The following ZNF277 variants were observed in gnomAD, a reference collection of about 807,000 sequenced individuals.
ZNF277 encodes nuclear receptor-interacting factor 4.
In ZNF277, 55 loss-of-function variants were observed where a neutral mutation model predicts 60.7. The observed-to-expected ratio is 0.91, with a 90% confidence interval of 0.73 to 1.13. The LOEUF (loss-of-function observed/expected upper bound fraction) is 1.13. Among genes scored for constraint, ZNF277 ranks in the 50% most tolerant of loss-of-function variants. The probability of loss-of-function intolerance (pLI) is 0.00; values close to 1 mark genes in which losing one functional copy is unlikely to be tolerated. For synonymous variants in ZNF277, 178 were observed against 179.3 expected (o/e 0.99, Z 0.06); for missense variants, 510 against 523.0 (o/e 0.98, Z 0.24).
chr7:112,209,548 C>T (rs978269680), intron 1 of ZNF277, among the ~76,000 whole-genome samples: 10 of 152,146 alleles, frequency 6.6e-5, no homozygotes, highest in Admixed American at 1.3e-4. Context: ...TTCTCACCCT[C>T]GGTGAGAAAT....
chr7:112,255,906 A>G (rs1432190835), intron 1 of ZNF277, among the ~76,000 whole-genome samples: 1 of 152,136 alleles, frequency 6.6e-6, no homozygotes, highest in African/African-American at 2.4e-5. Context: ...TCTTGGTTCA[A>G]ATAATTGACT....
chr7:112,272,475 G>A (rs1182051497), intron 1 of ZNF277, among the ~76,000 whole-genome samples: 5 of 152,090 alleles, frequency 3.3e-5, no homozygotes, highest in African/African-American at 1.2e-4. Flanking sequence ...TCTATTTTTA[G>A]TTGTTTTTGT....
chr7:112,298,638 T>C (rs1285024552), intron 4 of ZNF277, among the ~76,000 whole-genome samples: 1 of 152,200 alleles, frequency 6.6e-6, no homozygotes, highest in Non-Finnish European at 1.5e-5. Context: ...CATTTCAAGC[T>C]GTCAAAGCCT....
intron 5 of ZNF277, among the ~76,000 whole-genome samples, chr7:112,325,667 A>G (rs1293970159): frequency 3.9e-5 from 6 of 152,166 alleles, no homozygotes; most frequent in Non-Finnish European, 5.9e-5. Context: ...GCCTGAGATC[A>G]TGGGGACCTT....
At chr7:112,245,871 C>A (rs1375449256) in intron 1 of ZNF277, among the ~76,000 whole-genome samples, 2 of 152,124 alleles carry the variant, frequency 1.3e-5, no homozygotes, top group Admixed American at 6.5e-5. Context: ...GACATCCTAT[C>A]TTTTTACGGA....
At chr7:112,271,701 A>G (rs998413394) in intron 1 of ZNF277, among the ~76,000 whole-genome samples, 6 of 152,180 alleles carry the variant, frequency 3.9e-5, no homozygotes, top group Non-Finnish European at 5.9e-5. Flanking sequence ...GAATCTAGTG[A>G]TTTAGTATCT....
intron 11 of ZNF277, 66 bp from the exon 12 acceptor site, chr7:112,342,495 C>T: frequency 4.5e-6 from 6 of 1,324,464 alleles, no homozygotes; most frequent in Non-Finnish European, 6.0e-6. Flanking sequence ...TAAATGTGTA[C>T]ATTCAGCTAC....
intron 4 of ZNF277, among the ~76,000 whole-genome samples, chr7:112,311,411 T>G (rs999583673): frequency 6.6e-6 from 1 of 152,180 alleles, no homozygotes; most frequent in Non-Finnish European, 1.5e-5. Context: ...TTAACTGATT[T>G]TTATCAGCTT....
At chr7:112,286,598 C>G (rs1027100882) in intron 1 of ZNF277, among the ~76,000 whole-genome samples, 1 of 152,136 alleles carries the variant, frequency 6.6e-6, no homozygotes, top group South Asian at 2.1e-4. Flanking sequence ...AAGAAGAAGG[C>G]TTGAACAGCT....
chr7:112,231,391 C>A (rs1207644961), intron 1 of ZNF277, among the ~76,000 whole-genome samples: 1 of 152,160 alleles, frequency 6.6e-6, no homozygotes, highest in Non-Finnish European at 1.5e-5. Context: ...ACATTCATAT[C>A]TACTGCAAAT....
chr7:112,339,762 C>G (rs1014547913), intron 9 of ZNF277, 81 bp from the exon 10 acceptor site: 60 of 1,385,278 alleles, frequency 4.3e-5, no homozygotes, highest in Non-Finnish European at 5.4e-5. Context: ...TACTCAAACT[C>G]CTGTGAATAA....
At chr7:112,293,842 T>C (rs1792265194) in intron 2 of ZNF277, among the ~76,000 whole-genome samples, 1 of 152,192 alleles carries the variant, frequency 6.6e-6, no homozygotes, top group Non-Finnish European at 1.5e-5. Flanking sequence ...TAGTCCTCAA[T>C]GGAGTGGCAA....
intron 10 of ZNF277, 83 bp downstream of exon 10, chr7:112,339,968 A>T: frequency 7.7e-7 from 1 of 1,307,108 alleles, no homozygotes. Flanking sequence ...TTCAGTAGCT[A>T]TGATTGGAGA....
At chr7:112,274,122 A>G (rs1791741824) in intron 1 of ZNF277, among the ~76,000 whole-genome samples, 1 of 151,828 alleles carries the variant, frequency 6.6e-6, no homozygotes, top group Non-Finnish European at 1.5e-5. Flanking sequence ...GAGTGGTTAT[A>G]TGGTACTTTC....
chr7:112,339,661 A>G (rs1049849109), intron 9 of ZNF277, among the ~76,000 whole-genome samples, 182 bp from the exon 10 acceptor site: 16 of 152,194 alleles, frequency 1.1e-4, no homozygotes, highest in African/African-American at 3.6e-4. Flanking sequence ...TGTTTGGACT[A>G]TGCTGTAAAA....
chr7:112,265,105 A>G (rs1791519523), intron 1 of ZNF277, among the ~76,000 whole-genome samples: 1 of 152,210 alleles, frequency 6.6e-6, no homozygotes, highest in Non-Finnish European at 1.5e-5. Flanking sequence ...TCAGTGGAGT[A>G]GCACTTTCAG....
At chr7:112,230,430 G>C (rs1310304455) in intron 1 of ZNF277, among the ~76,000 whole-genome samples, 2 of 152,196 alleles carry the variant, frequency 1.3e-5, no homozygotes, top group Non-Finnish European at 2.9e-5. Context: ...CAAAATGAAA[G>C]TATATCTCAT....
chr7:112,274,977 A>G (rs968572867), intron 1 of ZNF277, among the ~76,000 whole-genome samples: 6 of 152,182 alleles, frequency 3.9e-5, no homozygotes, highest in Non-Finnish European at 5.9e-5. Flanking sequence ...ATTCTTGCCA[A>G]AAAGCCTTTT....
At chr7:112,305,427 A>G (rs1792566873) in intron 4 of ZNF277, among the ~76,000 whole-genome samples, 2 of 151,850 alleles carry the variant, frequency 1.3e-5, no homozygotes, top group Non-Finnish European at 2.9e-5. Context: ...TTTAGCTATC[A>G]GCTACAGTGT....
Sources: allele counts gnomAD v4.1 joint callset (sites outside exome capture counted in the v4.1 genomes callset), GRCh38; gene constraint gnomAD v4.1.1; transcripts MANE v1.5; gene names NCBI Gene and HGNC (gene_info 2026-07-23, HGNC 2026-07-21).